The following EPHA3 variants were observed in gnomAD, a reference collection of about 807,000 sequenced individuals.
EPHA3 encodes the protein EPH receptor A3, also known as ephrin type-A receptor 3.
Under a neutral mutation model 107.1 loss-of-function variants are expected in EPHA3, and 42 were observed. The observed-to-expected ratio is 0.39, with a 90% CI of 0.31 to 0.51. EPHA3 has a LOEUF of 0.51. EPHA3 is among the 20% of genes least tolerant of loss of function. The pLI is 0.78. For missense variants in EPHA3, 1,183 were observed against 1,211.2 expected (o/e 0.98, Z 0.35); for synonymous variants, 461 against 424.8 (o/e 1.09, Z -1.05).
intron 2 of EPHA3, among the ~76,000 whole-genome samples, chr3:89,134,358 C>G (rs946145245): frequency 6.6e-6 from 1 of 151,986 alleles, no homozygotes; most frequent in Non-Finnish European, 1.5e-5. Context: ...CTAATGCTAT[C>G]CCTCCCCACT....
At chr3:89,455,844 A>G (rs534867500) in intron 15 of EPHA3, among the ~76,000 whole-genome samples, 5 of 152,326 alleles carry the variant, frequency 3.3e-5, no homozygotes, top group African/African-American at 7.2e-5. Context: ...TAACATCATT[A>G]TTCTTTTACA....
At chr3:89,429,716 A>G (rs1306435008) in intron 12 of EPHA3, among the ~76,000 whole-genome samples, 1 of 151,988 alleles carries the variant, frequency 6.6e-6, no homozygotes, top group African/African-American at 2.4e-5. Flanking sequence ...CTATCTATCT[A>G]TCTATCTATC....
intron 5 of EPHA3, among the ~76,000 whole-genome samples, chr3:89,367,367 A>C (rs1708204799): frequency 6.6e-6 from 1 of 150,540 alleles, no homozygotes; most frequent in African/African-American, 2.4e-5. Context: ...CACTAGAGTG[A>C]GCTGGCCTCC....
rs527431601 is a variant in EPHA3 at position 89,416,678 on chromosome 3, T to A, written c.1889-2527T>A. ...TTTATAATATATTGGCGGCTATTTC[T>A]AGTGTTTATCTGATGAAATAATCAC... On this transcript the variant is annotated intron_variant, in intron 10 of 16. Transcript: ENST00000336596. 2.0e-5 allele frequency among the ~76,000 whole-genome samples: 3 copies of A among 151,540 alleles called. No individual in the cohort carries two copies. The South Asian group carries it at 6.2e-4, about 31-fold the overall frequency.
rs148726765 is a variant in EPHA3, at chr3:89,427,153, C to T, written c.2075-1953C>T. ...TTAAAGACATAAATCAGTGTCTTAA[C>T]GGAAAATAGATCAATGTATCAAGTG... On this transcript the variant is annotated intron_variant, in intron 11 of 16. Transcript: ENST00000336596. Among the ~76,000 whole-genome samples, 1,477 of 151,746 alleles carry T rather than the reference C, an allele frequency of 9.7e-3. 27 individuals carry two copies. Among genetic ancestry groups the T allele is most frequent in the African/African-American group, 0.034 (1,411 of 41,432 alleles).
At chr3:89,252,781 A>G (rs1453736816) in intron 3 of EPHA3, among the ~76,000 whole-genome samples, 4 of 151,650 alleles carry the variant, frequency 2.6e-5, no homozygotes, top group Non-Finnish European at 5.9e-5. Context: ...AGAGATGTCA[A>G]CATCAGATAC....
At chr3:89,317,521 T>A (rs1205063933) in intron 3 of EPHA3, among the ~76,000 whole-genome samples, 3 of 151,768 alleles carry the variant, frequency 2.0e-5, no homozygotes, top group Non-Finnish European at 4.4e-5. Flanking sequence ...TTAAGGCCAG[T>A]CTTAATCTCT....
At position 89,341,899 on chromosome 3, in the gene EPHA3, A is replaced by C; in HGVS notation, c.1115A>C (p.Gln372Pro). ...ICKKCGWNIK[Q>P]CEPCSPNVRF... Reference sequence around the variant, plus strand: ...AAAAAATGTGGGTGGAATATAAAACAGTGTGAGCCATGCAGCCCAAATGTC... The same window carrying C: ...AAAAAATGTGGGTGGAATATAAAACCGTGTGAGCCATGCAGCCCAAATGTC... The change falls in exon 5 of 17, where the codon CAG becomes CCG. Residue 372 changes from glutamine (Q) to proline (P), a missense_variant. Gln to Pro is a moderately conservative substitution (Grantham distance 76, BLOSUM62 -1). Coordinates refer to ENST00000336596, the MANE Select transcript of EPHA3 (RefSeq NM_005233.6). 1 of 1,613,938 alleles carries C rather than the reference A, an allele frequency of 6.2e-7. No individual in the cohort carries two copies. The highest frequency in any genetic ancestry group is 8.5e-7 in the Non-Finnish European group (1 of 1,180,002).
chr3:89,237,360 G>C lies in EPHA3; in HGVS notation c.814+26840G>C, dbSNP rs1186544190. ...CACCTCAGCCTGGGTGACAAAGCGA[G>C]ATTCTGACTCAAAACAAAACAAAAC... On this transcript the variant is annotated intron_variant, in intron 3 of 16. Coordinates refer to ENST00000336596, the MANE Select transcript of EPHA3 (RefSeq NM_005233.6). Among the ~76,000 whole-genome samples the C allele has an allele frequency of 3.9e-5, 6 of 152,264 alleles. No individual in the cohort carries two copies. The East Asian group carries it at 9.7e-4, about 25-fold the overall frequency.
intron 2 of EPHA3, among the ~76,000 whole-genome samples, chr3:89,170,590 G>A (rs539804114): frequency 8.2e-4 from 125 of 152,240 alleles, no homozygotes; most frequent in African/African-American, 2.7e-3. Flanking sequence ...TCTGAGACAG[G>A]TGCTGTTGCG....
At chr3:89,248,048 A>G (rs1430235349) in intron 3 of EPHA3, among the ~76,000 whole-genome samples, 2 of 152,094 alleles carry the variant, frequency 1.3e-5, no homozygotes, top group Non-Finnish European at 2.9e-5. Context: ...TAAAAACAAA[A>G]CCCCAAATAT....
chr3:89,456,279 A>G (rs115758177), intron 15 of EPHA3, among the ~76,000 whole-genome samples: 5,140 of 152,298 alleles, frequency 0.034, 287 homozygotes, highest in African/African-American at 0.12. Flanking sequence ...CGTGGCTGGT[A>G]CAAAGCATTC....
intron 6 of EPHA3, among the ~76,000 whole-genome samples, chr3:89,396,397 T>C (rs1253367613): frequency 1.3e-5 from 2 of 152,200 alleles, no homozygotes; most frequent in Non-Finnish European, 2.9e-5. Flanking sequence ...AAAAATATTG[T>C]ATTATTTAAC....
chr3:89,266,733 T>C (rs141529396), intron 3 of EPHA3, among the ~76,000 whole-genome samples: 2 of 152,254 alleles, frequency 1.3e-5, no homozygotes, highest in African/African-American at 4.8e-5. Context: ...CTGATATTTC[T>C]GTTCGGACTG....
chr3:89,339,255 C>T (rs1270100232), intron 3 of EPHA3, among the ~76,000 whole-genome samples: 2 of 151,592 alleles, frequency 1.3e-5, no homozygotes, highest in African/African-American at 4.8e-5. Context: ...CCTGTAATCC[C>T]AGCTACCTGG....
At chr3:89,167,516 T>C (rs1213196266) in intron 2 of EPHA3, among the ~76,000 whole-genome samples, 1 of 152,018 alleles carries the variant, frequency 6.6e-6, no homozygotes, top group Non-Finnish European at 1.5e-5. Context: ...GAAGCTAAAA[T>C]GCATCATCTT....
chr3:89,444,769 T>G (rs1261055192), intron 13 of EPHA3, among the ~76,000 whole-genome samples: 1 of 152,148 alleles, frequency 6.6e-6, no homozygotes, highest in Non-Finnish European at 1.5e-5. Flanking sequence ...TCATCTTTAT[T>G]CTCTTCCTGT....
chr3:89,268,518 T>G (rs1408109283), intron 3 of EPHA3, among the ~76,000 whole-genome samples: 6 of 152,056 alleles, frequency 3.9e-5, no homozygotes, highest in Non-Finnish European at 8.8e-5. Context: ...ATATGTGTGG[T>G]CTATCTGGTT....
chr3:89,268,410 G>A lies in EPHA3; in HGVS notation c.814+57890G>A, dbSNP rs534538260. Among the ~76,000 whole-genome samples the A allele has an allele frequency of 3.3e-5, 5 of 152,130 alleles. No individual in the cohort carries two copies. The South Asian group carries it at 6.2e-4, about 19-fold the overall frequency. On this transcript the variant is annotated intron_variant, in intron 3 of 16. Coordinates refer to ENST00000336596, the MANE Select transcript of EPHA3 (RefSeq NM_005233.6). ...TGCTTAGAAACAATAAGAAAGGTTCGCTCATCTTAAAGAAGTTCAGTGCAT... is the reference window on the plus strand; with the variant it reads ...TGCTTAGAAACAATAAGAAAGGTTCACTCATCTTAAAGAAGTTCAGTGCAT...
Sources: allele counts gnomAD v4.1 joint callset (sites outside exome capture counted in the v4.1 genomes callset), GRCh38; gene constraint gnomAD v4.1.1; transcripts MANE v1.5; gene names NCBI Gene and HGNC (gene_info 2026-07-23, HGNC 2026-07-21).